Variants in RIPOR2 observed in about 807,000 individuals in gnomAD.
RIPOR2 encodes the protein RHO family interacting cell polarization regulator 2, also known as rho family-interacting cell polarization regulator 2.
Under a neutral mutation model 114.5 loss-of-function variants are expected in RIPOR2, and 39 were observed. The ratio of observed to expected loss-of-function variants is 0.34; its 90% CI spans 0.26 to 0.44. The LOEUF (loss-of-function observed/expected upper bound fraction) is 0.44, where lower values mean the gene tolerates loss of function less well. RIPOR2 is among the 20% of genes least tolerant of loss of function. RIPOR2 has a pLI of 1.00. For synonymous variants in RIPOR2, 445 were observed against 484.4 expected (o/e 0.92, Z 1.07); for missense variants, 1,007 against 1,255.1 (o/e 0.80, Z 2.99).
intron 18 of RIPOR2, 114 bp downstream of exon 18, chr6:24,828,023 C>T: frequency 1.1e-6 from 1 of 926,214 alleles, no homozygotes; most frequent in Admixed American, 3.4e-5. Flanking sequence ...AATTGCACCT[C>T]TACTGTGGAC....
At chr6:24,998,030 T>C (rs2113638570) in intron 1 of RIPOR2, among the ~76,000 whole-genome samples, 1 of 152,290 alleles carries the variant, frequency 6.6e-6, no homozygotes, top group South Asian at 2.1e-4. Flanking sequence ...GAGCTTGATT[T>C]GGGCCTTGAA....
chr6:25,031,745 ATATAT>A lies in RIPOR2; in HGVS notation c.76+10101_76+10105del, dbSNP rs1561855910. Among the ~76,000 whole-genome samples, 182 of 73,490 alleles carry A rather than the reference ATATAT, an allele frequency of 2.5e-3. 4 individuals carry two copies. Among genetic ancestry groups the A allele is most frequent in the South Asian group, 4.7e-3 (10 of 2,136 alleles). The allele number at this position is 73,490 out of a possible 152,430, so 48.2% of individuals were successfully genotyped here. A position where few individuals can be genotyped will look rare whatever the true frequency, so the allele number is the denominator to read the frequency against. On this transcript the variant is annotated intron_variant, in intron 1 of 13. Coordinates refer to the RIPOR2 transcript ENST00000510784. ...TATATATATATATATATATATATATATATATAAAATATCCATAGAATATATATATA... is the reference window on the plus strand; with the variant it reads ...TATATATATATATATATATATATATAAAAATATCCATAGAATATATATATA...
intron 1 of RIPOR2, among the ~76,000 whole-genome samples, chr6:24,944,580 G>T (rs1046920538): frequency 6.6e-6 from 1 of 152,138 alleles, no homozygotes; most frequent in Non-Finnish European, 1.5e-5. Flanking sequence ...AAGCAAGAAA[G>T]TATGGTCTAT....
At chr6:25,018,591 A>G (rs1561846297) in intron 1 of RIPOR2, among the ~76,000 whole-genome samples, 1 of 152,148 alleles carries the variant, frequency 6.6e-6, no homozygotes, top group Non-Finnish European at 1.5e-5. Flanking sequence ...GCCCTGTAGA[A>G]TTTTCCACAT....
chr6:25,041,045 A>G (rs1223935619), intron 1 of RIPOR2, among the ~76,000 whole-genome samples: 1 of 152,176 alleles, frequency 6.6e-6, no homozygotes, highest in East Asian at 1.9e-4. Context: ...CCTCATATTG[A>G]GGCCAAATGT....
intron 1 of RIPOR2, among the ~76,000 whole-genome samples, chr6:24,959,572 ACT>A (rs146238898): frequency 0.022 from 3,371 of 151,604 alleles, 107 homozygotes; most frequent in African/African-American, 0.077. Flanking sequence ...TGTTGTGGGG[ACT>A]CTCTCTCTCC....
chr6:24,812,219 G>T (rs1358969454), intron 20 of RIPOR2, among the ~76,000 whole-genome samples: 9 of 15,106 alleles, frequency 6.0e-4, no homozygotes, highest in African/African-American at 9.9e-4. Flanking sequence ...TGGGTCAAAT[G>T]GTATTTCTAG....
intron 1 of RIPOR2, among the ~76,000 whole-genome samples, chr6:24,942,484 C>T (rs1026950083): frequency 3.9e-5 from 6 of 152,176 alleles, no homozygotes; most frequent in African/African-American, 1.4e-4. Flanking sequence ...TGAGGAATCG[C>T]CACACTGACT....
chr6:24,901,759 T>C (rs1020689773), intron 1 of RIPOR2, among the ~76,000 whole-genome samples: 1 of 152,180 alleles, frequency 6.6e-6, no homozygotes, highest in Non-Finnish European at 1.5e-5. Flanking sequence ...CAGTTTTTGC[T>C]GCCTCCAGGC....
chr6:24,951,218 C>CT (rs1772736409), intron 1 of RIPOR2, among the ~76,000 whole-genome samples: 2 of 152,150 alleles, frequency 1.3e-5, no homozygotes, highest in African/African-American at 4.8e-5. Flanking sequence ...GACCTTTGCT[C>CT]TACCTCCCAA....
intron 19 of RIPOR2, among the ~76,000 whole-genome samples, chr6:24,819,468 C>T (rs749188981): frequency 3.3e-5 from 5 of 151,508 alleles, no homozygotes; most frequent in Admixed American, 6.6e-5. Flanking sequence ...GAGTTTGATA[C>T]ATGGCAAATG....
chr6:24,929,004 AT>A (rs1190031711), intron 1 of RIPOR2, among the ~76,000 whole-genome samples: 1 of 152,174 alleles, frequency 6.6e-6, no homozygotes, highest in Non-Finnish European at 1.5e-5. Context: ...TGCGTGAAGC[AT>A]TTTTTAAGCA....
chr6:24,864,773 A>G lies in RIPOR2; in HGVS notation c.651+528T>C, dbSNP rs188814383. On this transcript the variant is annotated intron_variant, in intron 7 of 21. Transcript: ENST00000643898. ...GGCTCCTTTATGATAAAAATTTCTC[A>G]CAATTAAAAAAAACATTGTAGGCAG... Among the ~76,000 whole-genome samples, 26 of 152,218 alleles carry G rather than the reference A, an allele frequency of 1.7e-4. 1 individual carries two copies. The highest frequency in any genetic ancestry group is 1.7e-3 in the Admixed American group (26 of 15,282).
At chr6:24,905,328 C>A (rs1320586184) in intron 1 of RIPOR2, among the ~76,000 whole-genome samples, 1 of 151,982 alleles carries the variant, frequency 6.6e-6, no homozygotes, top group Non-Finnish European at 1.5e-5. Context: ...GTGTCCATCA[C>A]CTCAGCTTCA....
rs368666946 is a variant in RIPOR2 at position 24,828,263 on chromosome 6, G to A, written c.2539C>T (p.Arg847Trp). The part of the protein sequence containing the change: ...FRTLVSQILD[R>W]AEPLLSSSLS... ...CTGGAGGAAAGCAGAGGCTCAGCCC[G>A]GTCCAGAATTTGGGACACCAGGGTT... The change falls in exon 18 of 22, where the codon CGG (arginine) becomes TGG (tryptophan). Residue 847 changes from arginine (R) to tryptophan (W), a missense_variant. Coordinates refer to ENST00000643898, the MANE Select transcript of RIPOR2 (RefSeq NM_001286445.3). 73 of 1,548,564 alleles carry A rather than the reference G, an allele frequency of 4.7e-5. No homozygotes were observed. The highest frequency in any genetic ancestry group is 3.7e-4 in the South Asian group (31 of 83,760).
intron 1 of RIPOR2, among the ~76,000 whole-genome samples, chr6:24,948,508 CA>C (rs1233836011): frequency 6.6e-6 from 1 of 151,314 alleles, no homozygotes; most frequent in Non-Finnish European, 1.5e-5. Flanking sequence ...AGTTATTAAT[CA>C]CTCTGCTATT....
intron 1 of RIPOR2, among the ~76,000 whole-genome samples, chr6:24,927,259 ACCACCACAGC>A: frequency 1.3e-5 from 2 of 152,140 alleles, no homozygotes; most frequent in Admixed American, 6.5e-5. Flanking sequence ...CACCACCACC[ACCACCACAGC>A]TACAATCACC....
chr6:24,966,400 T>C (rs186951047), intron 1 of RIPOR2, among the ~76,000 whole-genome samples: 5 of 152,330 alleles, frequency 3.3e-5, no homozygotes, highest in African/African-American at 1.2e-4. Context: ...TAATATGATA[T>C]TAAGTTTACA....
chr6:24,939,683 G>A (rs1008152537), upstream of RIPOR2, among the ~76,000 whole-genome samples: 1 of 152,224 alleles, frequency 6.6e-6, no homozygotes, highest in Non-Finnish European at 1.5e-5. Flanking sequence ...GTCACAGAGA[G>A]TAGTTTTCAC....
Sources: gnomAD v4.1 joint callset for allele counts (sites outside exome capture counted in the v4.1 genomes callset) on GRCh38, gnomAD v4.1.1 for gene constraint, MANE v1.5 for transcripts, NCBI Gene and HGNC (gene_info 2026-07-23, HGNC 2026-07-21) for gene names.